NPAT: variants seen among roughly 807,000 people sequenced by gnomAD.
The protein encoded by NPAT is protein NPAT.
A neutral mutation model predicts 130.7 loss-of-function variants in NPAT; 52 were observed. The ratio of observed to expected loss-of-function variants is 0.40; its 90% confidence interval spans 0.32 to 0.50. The LOEUF (loss-of-function observed/expected upper bound fraction) is 0.50. NPAT is among the 20% of genes least tolerant of loss of function. The pLI is 0.68. For synonymous variants in NPAT, 580 were observed against 584.8 expected, an observed-to-expected ratio of 0.99 and a Z score of 0.12; for missense variants, 1,687 against 1,662.6, an observed-to-expected ratio of 1.01 and a Z score of -0.26.
chr11:108,175,352 G>A (rs1000147521), intron 12 of NPAT, among the ~76,000 whole-genome samples: 3 of 152,164 alleles, frequency 2.0e-5, no homozygotes, highest in East Asian at 1.9e-4. Context: ...ATCCCCCATA[G>A]ATAAGGGGGG....
chr11:108,209,444 T>C (rs1849294778), intron 1 of NPAT, among the ~76,000 whole-genome samples: 1 of 151,964 alleles, frequency 6.6e-6, no homozygotes, highest in South Asian at 2.1e-4. Context: ...ATTAGGTAGG[T>C]GTGCTGGCAC....
chr11:108,215,342 A>G lies in NPAT; in HGVS notation c.37+7158T>C, dbSNP rs143674231. ...CTAAAGGATGAGAACACACGGGCAC[A>G]TAAAGGGAACAACACACACTGGGGC... On this transcript the variant is annotated intron_variant, in intron 1 of 17. Transcript: ENST00000278612. Among the ~76,000 whole-genome samples the G allele has an allele frequency of 6.4e-3, 970 of 152,306 alleles. 8 individuals carry two copies. Among genetic ancestry groups the G allele is most frequent in the African/African-American group, 0.021 (877 of 41,572 alleles).
chr11:108,200,186 C>T (rs1179505035), intron 1 of NPAT, among the ~76,000 whole-genome samples: 3 of 152,178 alleles, frequency 2.0e-5, no homozygotes, highest in Non-Finnish European at 4.4e-5. Flanking sequence ...CAGGAGTCAG[C>T]ACAGTCCTAT....
In NPAT at chr11:108,172,578, G is replaced by A. The variant is rs756346748; in HGVS notation, c.2406C>T (p.Ala802=). 15 of 1,614,054 alleles carry A rather than the reference G, an allele frequency of 9.3e-6. No individual in the cohort carries two copies. The highest frequency in any genetic ancestry group is 4.4e-5 in the South Asian group (4 of 91,072). Residue 802 remains alanine, a synonymous_variant, in exon 13 of 18, where the codon GCC becomes GCT. Transcript: ENST00000278612. ...SEETVGAVVY[A]EVGDSASMEQ... is the part of the protein sequence containing the mutation. ...CCATTGAGGCTGAATCCCCTACTTC[G>A]GCATATACAACAGCACCTACAGTTT...
Position 108,190,513 on chromosome 11 carries a change from A to G in NPAT, c.291-13T>C. On this transcript the variant is annotated splice_polypyrimidine_tract_variant and intron_variant, in intron 4 of 17. Transcript: ENST00000278612. ...ACTTTGCATGCTCCTAACAAAGAAA[A>G]CAAAGTAGTTATCCATCAAAAAATG... is the stretch of plus-strand genomic sequence containing the variant. 6.2e-7 allele frequency: 1 copy of G among 1,612,650 alleles called. No individual in the cohort carries two copies. The highest frequency in any genetic ancestry group is 1.1e-5 in the South Asian group (1 of 91,058).
At chr11:108,186,245 G>C (rs2078107256) in intron 8 of NPAT, among the ~76,000 whole-genome samples, 1 of 152,072 alleles carries the variant, frequency 6.6e-6, no homozygotes, top group South Asian at 2.1e-4. Context: ...TTGAATTCCT[G>C]AGCTCAAGCA....
rs117988022 is a variant in NPAT at position 108,187,836 on chromosome 11, T to C, written c.638+262A>G. ...AAAAAATCTCAGATAACATCATTTG[T>C]AAGATATACCATTATTTTATATACC... On this transcript the variant is annotated intron_variant, in intron 7 of 17. Transcript: ENST00000278612. Among the ~76,000 whole-genome samples, 47 of 152,306 alleles carry C rather than the reference T, an allele frequency of 3.1e-4. No individual in the cohort carries two copies. In the East Asian group the frequency reaches 8.9e-3, roughly 29 times the overall value.
rs75607848 is a variant in NPAT at position 108,215,228 on chromosome 11, C to G, written c.37+7272G>C. Among the ~76,000 whole-genome samples the G allele has an allele frequency of 4.2e-3, 632 of 152,210 alleles. 3 individuals are homozygous for G. The highest frequency in any genetic ancestry group is 0.014 in the African/African-American group (589 of 41,520). On this transcript the variant is annotated intron_variant, in intron 1 of 17. Transcript: ENST00000278612. ...GTATTACTTAATACTTATAAGTATT[C>G]CCTTATATTTTCCTTTGAAGTACAC...
chr11:108,196,236 G>A (rs767763691), intron 2 of NPAT, among the ~76,000 whole-genome samples: 55 of 152,196 alleles, frequency 3.6e-4, no homozygotes, highest in Non-Finnish European at 6.8e-4. Flanking sequence ...TTTCTGCAAT[G>A]AATTGTCTTT....
chr11:108,213,076 C>T (rs558366816), intron 1 of NPAT, among the ~76,000 whole-genome samples: 7 of 151,862 alleles, frequency 4.6e-5, no homozygotes, highest in African/African-American at 1.7e-4. Flanking sequence ...GAGTTCGAGA[C>T]CAGCCTGACC....
At position 108,172,863 on chromosome 11, in the gene NPAT, A is replaced by G; in HGVS notation, c.2121T>C (p.Cys707=). 1.2e-6 allele frequency: 2 copies of G among 1,614,110 alleles called. No homozygotes were observed. Among genetic ancestry groups the G allele is most frequent in the Non-Finnish European group, 1.7e-6 (2 of 1,180,026 alleles). ...CAGGGTGAGAATCTCCCACTGAAGA[A>G]CACACAGATTCTGGAGGAAGAGAGT... ...NSHSLPPESV[C]SSVGDSHPES... is the part of the protein sequence containing the mutation. Residue 707 remains cysteine, a synonymous_variant, in exon 13 of 18, where the codon TGT becomes TGC. Coordinates refer to ENST00000278612, the MANE Select transcript of NPAT (RefSeq NM_002519.3).
chr11:108,186,418 G>T, intron 8 of NPAT, 64 bp downstream of exon 8: 1 of 1,172,754 alleles, frequency 8.5e-7, no homozygotes, highest in Non-Finnish European at 1.3e-6. Context: ...ATACATTTGT[G>T]TATATATCTG....
Position 108,173,473 on chromosome 11 carries a change from T to G in NPAT, c.1511A>C (p.Gln504Pro). Residue 504 changes from glutamine (Q) to proline (P), a missense_variant, in exon 13 of 18, where the codon CAG becomes CCG. This residue lies in a region of NPAT where 1,379 missense variants were observed against 1,346.6 expected (regional missense o/e 1.02). Transcript: ENST00000278612. ...VPSESQLQPD[Q>P]PDIPITSFVS... The stretch of plus-strand genomic sequence containing the variant: ...AAATGAAGTTATTGGTATATCAGGC[T>G]GATCAGGCTGTAACTGAGATTCACT... 1.2e-6 allele frequency: 2 copies of G among 1,614,192 alleles called. No homozygotes were observed. Among genetic ancestry groups the G allele is most frequent in the Middle Eastern group, 1.6e-4 (1 of 6,062 alleles).
intron 12 of NPAT, 145 bp downstream of exon 12, chr11:108,176,101 A>C (rs2078003017): frequency 1.5e-6 from 1 of 646,088 alleles, no homozygotes; most frequent in South Asian, 1.9e-5. Context: ...AAAGATTTAT[A>C]ATTGTTTTTA....
chr11:108,192,642 T>C (rs1233765792), intron 3 of NPAT, among the ~76,000 whole-genome samples: 9 of 152,186 alleles, frequency 5.9e-5, no homozygotes, highest in African/African-American at 2.2e-4. Flanking sequence ...AAACAATCTC[T>C]CTCACTGGGT....
chr11:108,185,938 C>G (rs2078103525), intron 8 of NPAT, among the ~76,000 whole-genome samples: 1 of 151,956 alleles, frequency 6.6e-6, no homozygotes, highest in Non-Finnish European at 1.5e-5. Context: ...CCAGGCTGGT[C>G]TTGAATTCCT....
chr11:108,184,097 G>A (rs926893778), intron 10 of NPAT, among the ~76,000 whole-genome samples: 5 of 152,002 alleles, frequency 3.3e-5, no homozygotes, highest in African/African-American at 1.2e-4. Flanking sequence ...AGTGACCATT[G>A]TCCCCATCTT....
chr11:108,169,681 T>C lies in NPAT; in HGVS notation c.3010+63A>G, dbSNP rs2077931705. ...GGTATTCAGAAAGAAAACATTTAGGTGTTGCTGCAAACAAATGAACATACA... is the reference window on the plus strand; with the variant it reads ...GGTATTCAGAAAGAAAACATTTAGGCGTTGCTGCAAACAAATGAACATACA... On this transcript the variant is annotated intron_variant, in intron 15 of 17. Transcript: ENST00000278612. The C allele has an allele frequency of 3.5e-6, 4 of 1,136,216 alleles. No homozygotes were observed. The South Asian group carries it at 4.9e-5, about 14-fold the overall frequency. 70.4% of individuals were successfully genotyped at this position (1,136,216 alleles called of 1,614,324 possible). A position where few individuals can be genotyped will look rare whatever the true frequency, so the allele number is the denominator to read the frequency against.
rs1168904182 is a variant in NPAT at position 108,189,135 on chromosome 11, T to C, written c.527A>G (p.Asn176Ser). Reference protein sequence around the residue: ...DPSRSYFVVVNHSQSQDTVTT... With the variant: ...DPSRSYFVVVSHSQSQDTVTT... ...TACAGTATCTTGTGACTGTGAGTGGTTGACCACTACAAAATATGACCTCGA... is the reference window on the plus strand; with the variant it reads ...TACAGTATCTTGTGACTGTGAGTGGCTGACCACTACAAAATATGACCTCGA... The change falls in exon 6 of 18, where the codon AAC becomes AGC. Residue 176 changes from asparagine (N) to serine (S), a missense_variant. Asn to Ser is a conservative substitution (Grantham distance 46, BLOSUM62 1). Transcript: ENST00000278612. 3 of 1,614,128 alleles carry C rather than the reference T, an allele frequency of 1.9e-6. No homozygotes were observed. The highest frequency in any genetic ancestry group is 2.5e-6 in the Non-Finnish European group (3 of 1,180,014).
Sources: allele counts gnomAD v4.1 joint callset (sites outside exome capture counted in the v4.1 genomes callset), GRCh38; gene constraint gnomAD v4.1.1; regional missense constraint gnomAD v4.1.1; transcripts MANE v1.5; gene names NCBI Gene and HGNC (gene_info 2026-07-23, HGNC 2026-07-21).